The following CPNE4 variants were observed in gnomAD, a reference collection of about 807,000 sequenced individuals.
CPNE4 encodes copine 4, also known as copine-4.
In CPNE4, 25 loss-of-function variants were observed where a neutral mutation model predicts 67.9. The observed-to-expected ratio is 0.37, with a 90% CI of 0.27 to 0.51. The LOEUF is 0.51. Among genes scored for constraint, CPNE4 ranks in the 20% least tolerant of loss-of-function variants. CPNE4 has a pLI of 0.93. For synonymous variants in CPNE4, 242 were observed against 244.9 expected, an observed-to-expected ratio of 0.99 and a Z score of 0.11; for missense variants, 464 against 690.8, an observed-to-expected ratio of 0.67 and a Z score of 3.68.
intron 3 of CPNE4, among the ~76,000 whole-genome samples, chr3:131,711,190 C>T (rs546303253): frequency 4.2e-4 from 64 of 152,318 alleles, no homozygotes; most frequent in African/African-American, 1.5e-3. Context: ...CTATCATTCT[C>T]ACAATACCTG....
At chr3:131,795,475 T>C (rs1449863048) in intron 2 of CPNE4, among the ~76,000 whole-genome samples, 1 of 152,186 alleles carries the variant, frequency 6.6e-6, no homozygotes, top group Non-Finnish European at 1.5e-5. Context: ...TTAAGCTTTC[T>C]TCCCTAAGGA....
chr3:131,723,938 A>T (rs1327271989), intron 2 of CPNE4, among the ~76,000 whole-genome samples: 1 of 151,842 alleles, frequency 6.6e-6, no homozygotes, highest in Non-Finnish European at 1.5e-5. Context: ...GGTCCAGGGA[A>T]TTGAAATGAG....
chr3:132,014,065 A>G lies in CPNE4; in HGVS notation c.-2+20502T>C, dbSNP rs2073834649. On this transcript the variant is annotated intron_variant, in intron 1 of 15. Coordinates refer to ENST00000429747, the MANE Select transcript of CPNE4 (RefSeq NM_130808.3). Reference sequence around the variant, plus strand: ...ATTATCAGTAAACTCCTCCTGCTCCACTCTCCCATGATGTAGAGAATGTTA... The same window carrying G: ...ATTATCAGTAAACTCCTCCTGCTCCGCTCTCCCATGATGTAGAGAATGTTA... Among the ~76,000 whole-genome samples the G allele has an allele frequency of 1.3e-5, 2 of 151,936 alleles. 1 individual carries two copies. Among genetic ancestry groups the G allele is most frequent in the South Asian group, 4.2e-4 (2 of 4,804 alleles).
intron 2 of CPNE4, among the ~76,000 whole-genome samples, chr3:131,812,826 A>C (rs1360733905): frequency 6.6e-6 from 1 of 152,178 alleles, no homozygotes; most frequent in Non-Finnish European, 1.5e-5. Flanking sequence ...GAGAATATTT[A>C]ATGTCTTCAC....
chr3:131,799,067 G>A (rs1220570530), intron 2 of CPNE4, among the ~76,000 whole-genome samples: 2 of 152,100 alleles, frequency 1.3e-5, no homozygotes, highest in South Asian at 2.1e-4. Context: ...AAGAGCTTAA[G>A]TTGTATTTAC....
chr3:131,839,689 G>C (rs1231969701), intron 2 of CPNE4, among the ~76,000 whole-genome samples: 1 of 151,800 alleles, frequency 6.6e-6, no homozygotes, highest in African/African-American at 2.4e-5. Flanking sequence ...GTCACACATG[G>C]GTTTGTCACA....
chr3:131,717,197 T>C (rs1310939727), intron 3 of CPNE4, among the ~76,000 whole-genome samples: 1 of 151,928 alleles, frequency 6.6e-6, no homozygotes, highest in African/African-American at 2.4e-5. Flanking sequence ...TACAAATGCA[T>C]TTGTCTGGCA....
chr3:131,996,333 A>G (rs2073292291), intron 1 of CPNE4, among the ~76,000 whole-genome samples: 1 of 152,136 alleles, frequency 6.6e-6, no homozygotes, highest in South Asian at 2.1e-4. Context: ...GAGAAACTCT[A>G]TTAAAAATAA....
At chr3:131,999,086 T>G (rs373986681) in intron 1 of CPNE4, among the ~76,000 whole-genome samples, 1 of 151,694 alleles carries the variant, frequency 6.6e-6, no homozygotes, top group Admixed American at 6.6e-5. Flanking sequence ...TAAGGGGCAA[T>G]AGTATTTCAT....
At chr3:131,552,292 G>A in intron 13 of CPNE4, 148 bp downstream of exon 13, 1 of 660,774 alleles carries the variant, frequency 1.5e-6, no homozygotes, top group African/African-American at 1.8e-5. Context: ...TCTCTTGCCT[G>A]TGGAGTAGCA....
chr3:131,710,429 A>T (rs1244812019), intron 3 of CPNE4, among the ~76,000 whole-genome samples: 1 of 152,152 alleles, frequency 6.6e-6, no homozygotes, highest in Non-Finnish European at 1.5e-5. Context: ...GTGAGGAAGG[A>T]TACTTTTATC....
intron 2 of CPNE4, among the ~76,000 whole-genome samples, chr3:131,872,670 T>C (rs1326621131): frequency 6.6e-6 from 1 of 152,216 alleles, no homozygotes; most frequent in African/African-American, 2.4e-5. Flanking sequence ...TAAGACTAAG[T>C]ATAAAAAGCA....
intron 2 of CPNE4, among the ~76,000 whole-genome samples, chr3:131,880,708 G>T (rs759845302): frequency 7.2e-5 from 11 of 152,034 alleles, no homozygotes; most frequent in Non-Finnish European, 1.3e-4. Flanking sequence ...CTCTGATCAG[G>T]GAGATAAAGA....
intron 1 of CPNE4, among the ~76,000 whole-genome samples, chr3:132,022,371 T>C (rs757400923): frequency 2.6e-5 from 4 of 152,212 alleles, no homozygotes; most frequent in Admixed American, 6.5e-5. Flanking sequence ...TCTTGACAAG[T>C]AACTCACAAC....
intron 2 of CPNE4, among the ~76,000 whole-genome samples, chr3:131,903,699 T>C (rs970385303): frequency 9.2e-5 from 14 of 152,238 alleles, no homozygotes; most frequent in African/African-American, 3.4e-4. Flanking sequence ...ATGGGGATAA[T>C]ATCTCATAGA....
chr3:131,671,249 C>T (rs997162192), intron 6 of CPNE4, among the ~76,000 whole-genome samples: 1 of 152,074 alleles, frequency 6.6e-6, no homozygotes, highest in Non-Finnish European at 1.5e-5. Context: ...GTGACTTTGT[C>T]ATGTGTTCTA....
chr3:132,021,875 G>A (rs781185113), intron 1 of CPNE4, among the ~76,000 whole-genome samples: 13 of 152,076 alleles, frequency 8.5e-5, no homozygotes, highest in African/African-American at 2.9e-4. Flanking sequence ...GAAGGGAATC[G>A]GATTCACAAA....
chr3:131,754,305 T>G (rs940854130), intron 2 of CPNE4, among the ~76,000 whole-genome samples: 1 of 152,008 alleles, frequency 6.6e-6, no homozygotes, highest in African/African-American at 2.4e-5. Flanking sequence ...TCCAAGTTAT[T>G]TACATTTGAA....
intron 2 of CPNE4, among the ~76,000 whole-genome samples, chr3:131,793,754 A>G (rs1161608160): frequency 2.0e-5 from 3 of 152,188 alleles, no homozygotes; most frequent in Non-Finnish European, 2.9e-5. Flanking sequence ...TCTCCGCTCA[A>G]ATATCACCTC....
Sources: gnomAD v4.1 joint callset for allele counts (sites outside exome capture counted in the v4.1 genomes callset) on GRCh38, gnomAD v4.1.1 for gene constraint, MANE v1.5 for transcripts, NCBI Gene and HGNC (gene_info 2026-07-23, HGNC 2026-07-21) for gene names.